Variants in HFM1 observed in about 807,000 individuals in gnomAD.
HFM1 encodes helicase for meiosis 1, also known as probable ATP-dependent DNA helicase HFM1.
HFM1 carries 169 observed loss-of-function variants against 192.1 expected under a neutral mutation model. The ratio of observed to expected loss-of-function variants is 0.88; its 90% confidence interval spans 0.78 to 1.00. The LOEUF is 1.00. Ranked by LOEUF, HFM1 falls within the 50% of genes least tolerant of loss-of-function variation. The pLI is 0.00. For synonymous variants in HFM1, 525 were observed against 537.8 expected (o/e 0.98, Z 0.33); for missense variants, 1,661 against 1,668.0 (o/e 1.00, Z 0.07).
intron 35 of HFM1, among the ~76,000 whole-genome samples, chr1:91,267,106 T>C (rs901882998): frequency 6.6e-6 from 1 of 152,154 alleles, no homozygotes; most frequent in Non-Finnish European, 1.5e-5. Context: ...TCCATTGCTA[T>C]CTTGTCACAT....
rs745931048 is a variant in HFM1 at position 91,375,571 on chromosome 1, C to T, written c.1552G>A (p.Ala518Thr). ...KFDLTLNYKI[A>T]SVIQMYSDQK... ...TCAGAGTACATTTGTATAACACTGG[C>T]AATTTTGTAGTTGAGGGTTAAATCA... The change falls in exon 12 of 39, where the codon GCC (alanine) becomes ACC (threonine). Residue 518 changes from alanine to threonine, a missense_variant. Transcript: ENST00000370425. 8.1e-6 allele frequency: 13 copies of T among 1,613,302 alleles called. No homozygotes were observed. Among genetic ancestry groups the T allele is most frequent in the Middle Eastern group, 1.6e-4 (1 of 6,078 alleles).
intron 30 of HFM1, among the ~76,000 whole-genome samples, chr1:91,295,360 A>T (rs1236204464): frequency 6.6e-6 from 1 of 152,208 alleles, no homozygotes; most frequent in African/African-American, 2.4e-5. Context: ...TACAAGTCCA[A>T]GATCAAGGTG....
At position 91,318,158 on chromosome 1, in the gene HFM1, T is replaced by C. The variant is rs933552027; in HGVS notation, c.2812+920A>G. Among the ~76,000 whole-genome samples the C allele has an allele frequency of 2.4e-4, 36 of 152,166 alleles. 1 individual carries two copies. The highest frequency in any genetic ancestry group is 8.7e-4 in the African/African-American group (36 of 41,438). ...GATGTGGTATTTGGTTGCCAGGACT[T>C]CTGTAAGAAGGTGAGCCTTTCCATC... is the stretch of plus-strand genomic sequence containing the variant. On this transcript the variant is annotated intron_variant, in intron 25 of 38. Transcript: ENST00000370425.
chr1:91,321,755 A>G (rs1436142671), intron 23 of HFM1, among the ~76,000 whole-genome samples: 1 of 152,210 alleles, frequency 6.6e-6, no homozygotes, highest in Non-Finnish European at 1.5e-5. Context: ...GATATGTATA[A>G]AAACAATTAT....
intron 13 of HFM1, among the ~76,000 whole-genome samples, chr1:91,373,616 T>G (rs1299267757): frequency 6.6e-6 from 1 of 151,742 alleles, no homozygotes; most frequent in Non-Finnish European, 1.5e-5. Context: ...AGTGAGTTTT[T>G]GTGACATCTA....
At position 91,385,842 on chromosome 1, in the gene HFM1, C is replaced by CA. The variant is rs535006543; in HGVS notation, c.495-9dup. 342 of 1,571,396 alleles carry CA rather than the reference C, an allele frequency of 2.2e-4. No individual in the cohort carries two copies. The African/African-American group carries it at 3.6e-3, about 16-fold the overall frequency. On this transcript the variant is annotated splice_polypyrimidine_tract_variant and intron_variant, in intron 4 of 38. Coordinates refer to ENST00000370425, the MANE Select transcript of HFM1 (RefSeq NM_001017975.6). ...TCAGATATTTTAAATAATCTGCAAA[C>CA]AAAAAAAAGACCCACATATTTTCTC...
At chr1:91,352,970 C>T (rs1657151406) in intron 15 of HFM1, 81 bp downstream of exon 15, 1 of 861,062 alleles carries the variant, frequency 1.2e-6, no homozygotes, top group Non-Finnish European at 1.8e-6. Flanking sequence ...AAGCAGAACA[C>T]TTGCGCTTTT....
intron 30 of HFM1, among the ~76,000 whole-genome samples, chr1:91,292,558 C>A (rs1165871544): frequency 6.6e-6 from 1 of 151,900 alleles, no homozygotes; most frequent in South Asian, 2.1e-4. Context: ...AAAGAGCATA[C>A]AAACAAATGG....
chr1:91,291,523 A>G (rs1314863877), intron 30 of HFM1, among the ~76,000 whole-genome samples: 1 of 152,200 alleles, frequency 6.6e-6, no homozygotes, highest in African/African-American at 2.4e-5. Flanking sequence ...ATCTCTGAAT[A>G]GACCAATAAC....
Position 91,343,414 on chromosome 1 carries a change from A to T in HFM1, c.2335+16T>A. On this transcript the variant is annotated intron_variant, in intron 20 of 38. Coordinates refer to ENST00000370425, the MANE Select transcript of HFM1 (RefSeq NM_001017975.6). ...GTAAACAATTGCTAAATTTACTGAC[A>T]ATGATAAGAAATTACCAGTTGGTTT... 8.2e-7 allele frequency: 1 copy of T among 1,223,054 alleles called. No individual in the cohort carries two copies. The highest frequency in any genetic ancestry group is 1.5e-5 in the African/African-American group (1 of 65,146). 75.8% of individuals were successfully genotyped at this position (1,223,054 alleles called of 1,614,324 possible).
intron 30 of HFM1, among the ~76,000 whole-genome samples, chr1:91,297,262 C>T (rs1296635990): frequency 2.0e-5 from 3 of 152,178 alleles, no homozygotes; most frequent in Non-Finnish European, 4.4e-5. Flanking sequence ...CCGCCATTGC[C>T]GACGCTTGAG....
chr1:91,377,784 G>A, intron 11 of HFM1: 1 of 474,714 alleles, frequency 2.1e-6, no homozygotes. Context: ...AGGAAACTAA[G>A]ACTGTTAGAT....
Position 91,351,633 on chromosome 1 carries a change from G to A in HFM1, c.1988C>T (p.Thr663Ile), listed in dbSNP as rs1183396289. The A allele has an allele frequency of 5.7e-6, 9 of 1,586,052 alleles. No individual in the cohort carries two copies. Among genetic ancestry groups the A allele is most frequent in the Non-Finnish European group, 7.8e-6 (9 of 1,161,102 alleles). Residue 663 changes from threonine to isoleucine, a missense_variant, in exon 17 of 39, where the codon ACA becomes ATA. Transcript: ENST00000370425. ...TCGAGTCATGATAACTGCAGTAGCT[G>A]TAGTGTCAAACTGGGGAGAAAACAA... The part of the protein sequence containing the change: ...GRAGRPQFDT[T>I]ATAVIMTRLS...
chr1:91,311,432 C>G (rs1650429655), intron 30 of HFM1, among the ~76,000 whole-genome samples: 1 of 151,994 alleles, frequency 6.6e-6, no homozygotes, highest in South Asian at 2.1e-4. Context: ...TTGAGACCAG[C>G]CTGACCAATA....
rs181946781 is a variant in HFM1 at position 91,321,491 on chromosome 1, G to A, written c.2582+1459C>T. Among the ~76,000 whole-genome samples, 274 of 152,040 alleles carry A rather than the reference G, an allele frequency of 1.8e-3. 3 individuals carry two copies. Among genetic ancestry groups the A allele is most frequent in the Admixed American group, 5.5e-3 (84 of 15,244 alleles). The stretch of plus-strand genomic sequence containing the variant: ...AAAATAATAAAAAGGGAAGAAACCA[G>A]AAACTTGAAGGATAAAATCCTAAAA... On this transcript the variant is annotated intron_variant, in intron 23 of 38. Coordinates refer to ENST00000370425, the MANE Select transcript of HFM1 (RefSeq NM_001017975.6).
At chr1:91,404,853 G>C (rs17131429), upstream of HFM1, 123,007 of 454,930 alleles carry the variant, frequency 0.27, 18,528 homozygotes, top group South Asian at 0.39. Context: ...CCCCTCTGAG[G>C]ACCGCCAAGC....
At chr1:91,347,356 C>A in intron 19 of HFM1, 73 bp downstream of exon 19, 1 of 773,112 alleles carries the variant, frequency 1.3e-6, no homozygotes, top group Non-Finnish European at 2.0e-6. Flanking sequence ...AAAGCATATT[C>A]TTACTTTCAC....
At chr1:91,311,601 G>A (rs1196809839) in intron 30 of HFM1, among the ~76,000 whole-genome samples, 2 of 151,758 alleles carry the variant, frequency 1.3e-5, no homozygotes, top group East Asian at 3.9e-4. Context: ...ACTCCAGCCT[G>A]GGTGACAGAG....
intron 28 of HFM1, among the ~76,000 whole-genome samples, chr1:91,315,192 T>C (rs931544591): frequency 6.6e-6 from 1 of 152,250 alleles, no homozygotes; most frequent in Non-Finnish European, 1.5e-5. Flanking sequence ...ACCTGTCTCA[T>C]ACAAATATTA....
Sources: allele counts gnomAD v4.1 joint callset (sites outside exome capture counted in the v4.1 genomes callset), GRCh38; gene constraint gnomAD v4.1.1; transcripts MANE v1.5; gene names NCBI Gene and HGNC (gene_info 2026-07-23, HGNC 2026-07-21).